The following MCPH1 variants were observed in gnomAD, a reference collection of about 807,000 sequenced individuals.
MCPH1 encodes microcephalin.
A neutral mutation model predicts 84.5 loss-of-function variants in MCPH1; 104 were observed. That is an observed-to-expected ratio of 1.23 (90% CI 1.05 to 1.45). The LOEUF (loss-of-function observed/expected upper bound fraction) is 1.45, where lower values mean the gene tolerates loss of function less well. MCPH1 is among the 40% of genes most tolerant of loss of function. MCPH1 has a pLI of 0.00. For missense variants in MCPH1, 1,498 were observed against 1,005.7 expected (o/e 1.49, Z -6.62); for synonymous variants, 514 against 366.8 (o/e 1.40, Z -4.58).
chr8:6,615,593 T>C (rs1202778462), intron 12 of MCPH1: 4 of 152,214 alleles, frequency 2.6e-5, no homozygotes, highest in Admixed American at 1.3e-4. Flanking sequence ...AAATGGAAAG[T>C]AGACCAATGT....
intron 9 of MCPH1, among the ~76,000 whole-genome samples, chr8:6,469,446 A>C (rs1305313639): frequency 6.6e-6 from 1 of 152,176 alleles, no homozygotes; most frequent in Admixed American, 6.5e-5. Flanking sequence ...GGATTTGAAG[A>C]CATTTTTCCA....
chr8:6,571,056 T>C (rs559510144), intron 12 of MCPH1, among the ~76,000 whole-genome samples: 12 of 152,276 alleles, frequency 7.9e-5, no homozygotes, highest in South Asian at 2.1e-4. Context: ...ATAACTGTTA[T>C]GCTGTTTGAT....
intron 13 of MCPH1, chr8:6,627,345 G>A: frequency 1.1e-5 from 11 of 958,052 alleles, no homozygotes; most frequent in East Asian, 1.2e-4. Context: ...GTGAGGACGG[G>A]GACTGCCCCC....
At position 6,499,900 on chromosome 8, in the gene MCPH1, G is replaced by A. The variant is rs575824036; in HGVS notation, c.2185G>A (p.Glu729Lys). ...LGHWISEEPFELSHHFPAAPL... is the reference protein window; with the variant it reads ...LGHWISEEPFKLSHHFPAAPL... ...TCACTGGATTTCTGAGGAGCCGTTCGAACTGTCTCACCACTTCCCTGCAGC... is the reference window on the plus strand; with the variant it reads ...TCACTGGATTTCTGAGGAGCCGTTCAAACTGTCTCACCACTTCCCTGCAGC... Residue 729 changes from glutamate (E) to lysine (K), a missense_variant, in exon 12 of 14, where the codon GAA becomes AAA. Physicochemically the swap from Glu to Lys is moderately conservative, Grantham distance 56. Transcript: ENST00000344683. 27 of 1,613,634 alleles carry A rather than the reference G, an allele frequency of 1.7e-5. No homozygotes were observed. The East Asian group carries it at 4.2e-4, about 25-fold the overall frequency.
intron 12 of MCPH1, among the ~76,000 whole-genome samples, chr8:6,536,886 T>C (rs1392769586): frequency 6.6e-6 from 1 of 151,828 alleles, no homozygotes; most frequent in Non-Finnish European, 1.5e-5. Flanking sequence ...CTCTTATTTT[T>C]ACTGGCTGTG....
chr8:6,527,663 G>T (rs748520064), intron 12 of MCPH1: 7 of 1,613,456 alleles, frequency 4.3e-6, no homozygotes, highest in African/African-American at 1.3e-5. Context: ...AAGTCTCGTG[G>T]TCTGATTTAA....
chr8:6,553,975 A>T (rs1005991191), intron 12 of MCPH1, among the ~76,000 whole-genome samples: 3 of 151,998 alleles, frequency 2.0e-5, no homozygotes, highest in African/African-American at 7.3e-5. Flanking sequence ...GTCCAGTTGG[A>T]TACTGTTAGT....
chr8:6,418,544 T>G (rs1366534730), intron 3 of MCPH1, among the ~76,000 whole-genome samples: 2 of 152,146 alleles, frequency 1.3e-5, no homozygotes, highest in Non-Finnish European at 2.9e-5. Context: ...CCCTTCAACA[T>G]TATTTGATCT....
intron 12 of MCPH1, among the ~76,000 whole-genome samples, chr8:6,601,258 G>T (rs937731921): frequency 1.3e-5 from 2 of 152,176 alleles, no homozygotes; most frequent in African/African-American, 4.8e-5. Context: ...CTGGAAAACA[G>T]TTCTCATCAG....
chr8:6,409,911 T>G (rs1050433136), intron 2 of MCPH1, among the ~76,000 whole-genome samples: 5 of 151,790 alleles, frequency 3.3e-5, no homozygotes, highest in Non-Finnish European at 7.4e-5. Context: ...AGGGACCCAG[T>G]GACAGAGGGA....
chr8:6,466,479 T>C (rs1213456235), intron 9 of MCPH1, among the ~76,000 whole-genome samples: 2 of 152,188 alleles, frequency 1.3e-5, no homozygotes, highest in Admixed American at 1.3e-4. Context: ...GGCTAAGTTT[T>C]TGTATTTTCG....
chr8:6,617,556 C>A (rs1380192687), intron 12 of MCPH1, among the ~76,000 whole-genome samples: 6 of 152,032 alleles, frequency 3.9e-5, no homozygotes, highest in Non-Finnish European at 8.8e-5. Context: ...GCCATCGTTC[C>A]CCAACTTACG....
At chr8:6,519,813 A>G in intron 12 of MCPH1, 1 of 1,599,238 alleles carries the variant, frequency 6.3e-7, no homozygotes, top group East Asian at 2.2e-5. Flanking sequence ...TCACTCACTA[A>G]AGTGGCCTGC....
intron 12 of MCPH1, among the ~76,000 whole-genome samples, chr8:6,559,235 A>ACACACACG (rs1363593097): frequency 1.7e-5 from 2 of 117,820 alleles, no homozygotes; most frequent in Non-Finnish European, 3.0e-5. Context: ...ACGACAACAC[A>ACACACACG]CACACACACA....
intron 11 of MCPH1, among the ~76,000 whole-genome samples, chr8:6,498,882 C>G (rs991151858): frequency 2.0e-5 from 3 of 151,946 alleles, no homozygotes; most frequent in Admixed American, 6.6e-5. Context: ...AACCCGATCT[C>G]TACTACAAAT....
At chr8:6,556,749 G>A (rs1034380900) in intron 12 of MCPH1, among the ~76,000 whole-genome samples, 3 of 152,030 alleles carry the variant, frequency 2.0e-5, no homozygotes, top group Admixed American at 6.5e-5. Context: ...AAGTAGCTGG[G>A]ACCACAGCTG....
At position 6,533,712 on chromosome 8, in the gene MCPH1, A is replaced by G. The variant is rs112172920; in HGVS notation, c.2214+33783A>G. On this transcript the variant is annotated intron_variant, in intron 12 of 13. Transcript: ENST00000344683. The stretch of plus-strand genomic sequence containing the variant: ...GTAACAAACATTGTTTATTACATTG[A>G]ATAATTGAAAGATGATTATAAAACT... 1.0e-3 allele frequency among the ~76,000 whole-genome samples: 152 copies of G among 151,942 alleles called. 1 individual carries two copies. Among genetic ancestry groups the G allele is most frequent in the African/African-American group, 3.4e-3 (139 of 41,480 alleles).
chr8:6,427,621 C>A (rs1250945713), intron 3 of MCPH1, among the ~76,000 whole-genome samples: 1 of 152,034 alleles, frequency 6.6e-6, no homozygotes, highest in East Asian at 1.9e-4. Context: ...CTCAAACAGT[C>A]CTCCTACCTC....
intron 8 of MCPH1, among the ~76,000 whole-genome samples, chr8:6,451,808 A>T (rs1805123040): frequency 6.6e-6 from 1 of 152,196 alleles, no homozygotes; most frequent in Non-Finnish European, 1.5e-5. Flanking sequence ...GACATTTCTC[A>T]TTGGATAATG....
Sources: gnomAD v4.1 joint callset for allele counts (sites outside exome capture counted in the v4.1 genomes callset) on GRCh38, gnomAD v4.1.1 for gene constraint, MANE v1.5 for transcripts, NCBI Gene and HGNC (gene_info 2026-07-23, HGNC 2026-07-21) for gene names.